The following KLHL20 variants were observed in gnomAD, a reference collection of about 807,000 sequenced individuals.
KLHL20 encodes the protein kelch like family member 20, also known as kelch-like protein 20.
A neutral mutation model predicts 69.5 loss-of-function variants in KLHL20; 29 were observed. That is an observed-to-expected ratio of 0.42 (90% CI 0.31 to 0.57). KLHL20 has a LOEUF of 0.57. Among genes scored for constraint, KLHL20 ranks in the 20% least tolerant of loss-of-function variants. The pLI is 0.18. For missense variants in KLHL20, 419 were observed against 776.0 expected (o/e 0.54, Z 5.47); for synonymous variants, 253 against 265.2 (o/e 0.95, Z 0.45).
intron 3 of KLHL20, among the ~76,000 whole-genome samples, chr1:173,742,336 A>G (rs1672842940): frequency 6.6e-6 from 1 of 152,174 alleles, no homozygotes; most frequent in African/African-American, 2.4e-5. Flanking sequence ...TACACACACT[A>G]TTTTGACTCA....
chr1:173,737,920 G>A (rs1011960297), intron 3 of KLHL20, among the ~76,000 whole-genome samples: 2 of 150,402 alleles, frequency 1.3e-5, no homozygotes, highest in Non-Finnish European at 3.0e-5. Flanking sequence ...TTTCACTTCT[G>A]TAGTGAGATA....
chr1:173,724,635 T>C (rs968109779), intron 2 of KLHL20, among the ~76,000 whole-genome samples: 2 of 152,144 alleles, frequency 1.3e-5, no homozygotes, highest in South Asian at 2.1e-4. Context: ...ATATGAAATA[T>C]GAATATAAGA....
chr1:173,736,479 T>C lies in KLHL20; in HGVS notation c.597+2193T>C, dbSNP rs145135889. Among the ~76,000 whole-genome samples the C allele has an allele frequency of 7.2e-5, 11 of 152,316 alleles. No individual in the cohort carries two copies. In the East Asian group the frequency reaches 2.1e-3, roughly 29 times the overall value. On this transcript the variant is annotated intron_variant, in intron 3 of 11. Transcript: ENST00000209884. ...GGATTGCTGGAACAAATGGTAGATA[T>C]ACTTTTGGTTCTTTAAGAAATCTCC...
chr1:173,735,844 A>G (rs1215320866), intron 3 of KLHL20, among the ~76,000 whole-genome samples: 4 of 151,852 alleles, frequency 2.6e-5, no homozygotes, highest in East Asian at 1.9e-4. Flanking sequence ...AAGTGAGAAC[A>G]TATCATTTTT....
intron 2 of KLHL20, among the ~76,000 whole-genome samples, chr1:173,725,453 G>A (rs573054331): frequency 6.6e-6 from 1 of 152,132 alleles, no homozygotes; most frequent in Non-Finnish European, 1.5e-5. Context: ...AGAATGGGCT[G>A]TTTTCATATT....
At chr1:173,726,929 T>C (rs1671998321) in intron 2 of KLHL20, among the ~76,000 whole-genome samples, 2 of 152,068 alleles carry the variant, frequency 1.3e-5, no homozygotes, top group South Asian at 4.1e-4. Context: ...AGAAGAAGGC[T>C]TCAGACTATC....
At chr1:173,733,021 C>CTTTTT (rs746523298) in intron 2 of KLHL20, among the ~76,000 whole-genome samples, 4 of 125,742 alleles carry the variant, frequency 3.2e-5, no homozygotes, top group African/African-American at 5.9e-5. Context: ...TCAATCCAGA[C>CTTTTT]TTTTTTTTTT....
At chr1:173,780,186 C>A (rs1194088797) in intron 10 of KLHL20, among the ~76,000 whole-genome samples, 1 of 152,194 alleles carries the variant, frequency 6.6e-6, no homozygotes, top group East Asian at 1.9e-4. Context: ...TGACAACTAA[C>A]AACATCTTAG....
chr1:173,763,366 A>T (rs1647444545), intron 7 of KLHL20, among the ~76,000 whole-genome samples: 1 of 152,182 alleles, frequency 6.6e-6, no homozygotes, highest in African/African-American at 2.4e-5. Context: ...ATCATTCTTC[A>T]CAGAATTAGA....
chr1:173,753,127 C>T (rs1336381109), intron 4 of KLHL20, 86 bp from the exon 5 acceptor site: 1 of 1,062,922 alleles, frequency 9.4e-7, no homozygotes, highest in East Asian at 2.6e-5. Context: ...GACCTACGAT[C>T]ATGCCACTGT....
chr1:173,755,343 C>T (rs141648894), intron 5 of KLHL20, among the ~76,000 whole-genome samples: 5 of 152,278 alleles, frequency 3.3e-5, no homozygotes, highest in African/African-American at 1.2e-4. Context: ...CAGGCGTGAG[C>T]CACTGCAAAG....
chr1:173,755,876 A>G lies in KLHL20; in HGVS notation c.852-47A>G, dbSNP rs369100714. On this transcript the variant is annotated intron_variant, in intron 5 of 11. Transcript: ENST00000209884. Reference sequence around the variant, plus strand: ...CCTAAACTACATTGGGACTTAACTAACAATGTAATTTAGATATTTGGAATA... The same window carrying G: ...CCTAAACTACATTGGGACTTAACTAGCAATGTAATTTAGATATTTGGAATA... 9 of 1,256,920 alleles carry G rather than the reference A, an allele frequency of 7.2e-6. No individual in the cohort carries two copies. In the Admixed American group the frequency reaches 1.1e-4, roughly 15 times the overall value. The allele number at this position is 1,256,920 out of a possible 1,614,324, so 77.9% of individuals were successfully genotyped here.
chr1:173,727,013 G>A (rs1672002776), intron 2 of KLHL20, among the ~76,000 whole-genome samples: 1 of 152,062 alleles, frequency 6.6e-6, no homozygotes, highest in South Asian at 2.1e-4. Context: ...AAGATTAGAC[G>A]GATGGCTAAC....
At chr1:173,763,049 T>C (rs913609061) in intron 7 of KLHL20, among the ~76,000 whole-genome samples, 9 of 152,170 alleles carry the variant, frequency 5.9e-5, no homozygotes, top group Non-Finnish European at 1.3e-4. Context: ...AAGATTAATG[T>C]ACACAAATCA....
In KLHL20 at chr1:173,734,313, A is replaced by C. The variant is rs757710319; in HGVS notation, c.597+27A>C. 3.6e-5 allele frequency: 58 copies of C among 1,603,752 alleles called. No homozygotes were observed. In the Middle Eastern group the frequency reaches 4.9e-4, roughly 14 times the overall value. On this transcript the variant is annotated intron_variant, in intron 3 of 11. Transcript: ENST00000209884. ...TGAGTTGCACTTGGTGTTCCAATGCACCCATTTGTTGGAGAGCAATATGGG... is the reference window on the plus strand; with the variant it reads ...TGAGTTGCACTTGGTGTTCCAATGCCCCCATTTGTTGGAGAGCAATATGGG...
chr1:173,780,996 A>C (rs968578664), intron 10 of KLHL20, among the ~76,000 whole-genome samples: 1 of 134,250 alleles, frequency 7.4e-6, no homozygotes, highest in Admixed American at 8.0e-5. Flanking sequence ...TGTGAGTGAG[A>C]GAGAGAGAGG....
At chr1:173,719,249 T>G (rs7544583) in intron 2 of KLHL20, among the ~76,000 whole-genome samples, 2 of 152,074 alleles carry the variant, frequency 1.3e-5, no homozygotes, top group African/African-American at 2.4e-5. Context: ...TTCAACTGTT[T>G]TGCTGTTACA....
At chr1:173,776,863 A>G (rs2102535211) in intron 10 of KLHL20, among the ~76,000 whole-genome samples, 1 of 152,004 alleles carries the variant, frequency 6.6e-6, no homozygotes, top group African/African-American at 2.4e-5. Flanking sequence ...TGATTCCTCC[A>G]GTTTTGGTCT....
chr1:173,729,491 C>T (rs569786790), intron 2 of KLHL20, among the ~76,000 whole-genome samples: 1 of 152,102 alleles, frequency 6.6e-6, no homozygotes, highest in Non-Finnish European at 1.5e-5. Flanking sequence ...ACTGGCAAAC[C>T]GAATCCAGCA....
Sources: allele counts gnomAD v4.1 joint callset (sites outside exome capture counted in the v4.1 genomes callset), GRCh38; gene constraint gnomAD v4.1.1; transcripts MANE v1.5; gene names NCBI Gene and HGNC (gene_info 2026-07-23, HGNC 2026-07-21).